Variants in TMEM140 observed in about 807,000 individuals in gnomAD.
The protein encoded by TMEM140 is transmembrane protein 140.
For synonymous variants in TMEM140, 107 were observed against 106.8 expected (o/e 1.00, Z -0.01); for missense variants, 236 against 228.5 (o/e 1.03, Z -0.21).
intron 1 of TMEM140, among the ~76,000 whole-genome samples, chr7:135,163,573 A>C (rs184036747): frequency 5.3e-5 from 8 of 152,310 alleles, no homozygotes; most frequent in Admixed American, 2.0e-4. Context: ...TGACCCCGGG[A>C]GGCAGAGATT....
At chr7:135,158,053 T>C (rs1446198558) in intron 1 of TMEM140, among the ~76,000 whole-genome samples, 1 of 151,980 alleles carries the variant, frequency 6.6e-6, no homozygotes, top group African/African-American at 2.4e-5. Context: ...AGAGCATAGA[T>C]TCCTTGTTTC....
rs533638680 is a variant in TMEM140 at position 135,157,805 on chromosome 7, G to C, written c.-24-6613G>C. ...TGCTTAGGAGAGCTTGGTCTTCCCT[G>C]TCCCTTTCCTACCAGGGTGGCAGCT... is the stretch of plus-strand genomic sequence containing the variant. On this transcript the variant is annotated intron_variant, in intron 1 of 1. Transcript: ENST00000275767. Among the ~76,000 whole-genome samples, 18 of 152,280 alleles carry C rather than the reference G, an allele frequency of 1.2e-4. No individual in the cohort carries two copies. The East Asian group carries it at 3.3e-3, about 28-fold the overall frequency.
chr7:135,154,829 G>C (rs1829749584), intron 1 of TMEM140, among the ~76,000 whole-genome samples: 1 of 152,200 alleles, frequency 6.6e-6, no homozygotes, highest in Admixed American at 6.5e-5. Flanking sequence ...TTCTGTAGTT[G>C]TTGGGTAGAA....
rs1382143705 is a variant in TMEM140 at position 135,151,307 on chromosome 7, T to C, written c.-25+3037T>C. 6.6e-6 allele frequency among the ~76,000 whole-genome samples: 1 copy of C among 152,218 alleles called. No individual in the cohort carries two copies. Among genetic ancestry groups the C allele is most frequent in the African/African-American group, 2.4e-5 (1 of 41,454 alleles). ...TGAAAAGAATTAGAACCTGGACTCA[T>C]GTTTCTACCAAAGGAAATATGACAC... On this transcript the variant is annotated intron_variant, in intron 1 of 1. Transcript: ENST00000275767. This position sits in a 1 kb window ranked among gnomAD's most constrained non-coding sequence, Gnocchi z 4.3.
rs1384100212 is a variant in TMEM140, at chr7:135,165,161, G to A, written c.*162G>A. ...GTCAAAGAGGCCGAGGGGCAGCAAG[G>A]GCAGCCAGGGCACCTGTGACTTCTT... On this transcript the variant is annotated 3_prime_UTR_variant, in exon 2 of 2. Transcript: ENST00000275767. 14 of 723,184 alleles carry A rather than the reference G, an allele frequency of 1.9e-5. No individual in the cohort carries two copies. The highest frequency in any genetic ancestry group is 3.1e-5 in the Non-Finnish European group (14 of 449,504). The allele number at this position is 723,184 out of a possible 1,614,324, so 44.8% of individuals were successfully genotyped here.
At chr7:135,155,208 T>C (rs1829760690) in intron 1 of TMEM140, among the ~76,000 whole-genome samples, 1 of 152,224 alleles carries the variant, frequency 6.6e-6, no homozygotes, top group South Asian at 2.1e-4. Flanking sequence ...CACCCCTTTG[T>C]TTTCAGTCTA....
At chr7:135,164,145 A>G (rs1213511083) in intron 1 of TMEM140, among the ~76,000 whole-genome samples, 2 of 152,260 alleles carry the variant, frequency 1.3e-5, no homozygotes, top group Non-Finnish European at 2.9e-5. Context: ...CTTTGGCTAA[A>G]GAGCACTTCA....
Position 135,164,857 on chromosome 7 carries a change from G to C in TMEM140, c.416G>C (p.Trp139Ser). Residue 139 changes from tryptophan to serine, a missense_variant, in exon 2 of 2, where the codon TGG becomes TCG. By Grantham distance (177) the Trp-to-Ser change is radical. Coordinates refer to ENST00000275767, the MANE Select transcript of TMEM140 (RefSeq NM_018295.5). ...CTGGGCCTCTTCCTCTCCTATGTGT[G>C]GAAGTGGGTCAGGCTCTCCCTCCCG... The part of the protein sequence containing the change: ...GGLGLFLSYV[W>S]KWVRLSLPGP... 1 of 1,613,996 alleles carries C rather than the reference G, an allele frequency of 6.2e-7. No individual in the cohort carries two copies. The highest frequency in any genetic ancestry group is 1.7e-5 in the Admixed American group (1 of 60,016).
Position 135,164,517 on chromosome 7 carries a change from T to G in TMEM140, c.76T>G (p.Cys26Gly). 6.2e-7 allele frequency: 1 copy of G among 1,613,660 alleles called. No homozygotes were observed. Among genetic ancestry groups the G allele is most frequent in the Non-Finnish European group, 8.5e-7 (1 of 1,179,506 alleles). ...SIIVLVIVVI[C>G]LMFYALLWEA... is the part of the protein sequence containing the mutation. ...CATAGTCCTCGTGATTGTGGTCATC[T>G]GCCTGATGTTTTACGCTCTTCTCTG... The change falls in exon 2 of 2, where the codon TGC (cysteine) becomes GGC (glycine). Residue 26 changes from cysteine to glycine, a missense_variant. By Grantham distance (159) the Cys-to-Gly change is radical. Coordinates refer to ENST00000275767, the MANE Select transcript of TMEM140 (RefSeq NM_018295.5).
chr7:135,153,223 A>ACCTT (rs1829704973), intron 1 of TMEM140: 1 of 152,288 alleles, frequency 6.6e-6, no homozygotes, highest in Non-Finnish European at 1.5e-5. Flanking sequence ...TCAGAGGCCA[A>ACCTT]GGTGGGCAGA....
chr7:135,162,049 C>A (rs1829954889), intron 1 of TMEM140, among the ~76,000 whole-genome samples: 1 of 152,256 alleles, frequency 6.6e-6, no homozygotes, highest in South Asian at 2.1e-4. Flanking sequence ...AATCTTCATT[C>A]TCATTTTTGG....
Position 135,151,472 on chromosome 7 carries a change from T to A in TMEM140, c.-25+3202T>A, listed in dbSNP as rs10271145. On this transcript the variant is annotated intron_variant, in intron 1 of 1. Coordinates refer to ENST00000275767, the MANE Select transcript of TMEM140 (RefSeq NM_018295.5). The surrounding 1 kb of genome is among the most constrained non-coding windows in gnomAD (Gnocchi z 4.3). ...CAAGTAAACCTGCGCCCTTGTTCTA[T>A]GCCCTGGCAAGCTCTGTTGCCCCGG... 0.49 allele frequency among the ~76,000 whole-genome samples: 73,764 copies of A among 152,002 alleles called. 18,267 individuals carry two copies. Among genetic ancestry groups the A allele is most frequent in the South Asian group, 0.66 (3,160 of 4,822 alleles).
intron 1 of TMEM140, among the ~76,000 whole-genome samples, chr7:135,162,074 C>T (rs1376865032): frequency 6.6e-6 from 1 of 152,240 alleles, no homozygotes; most frequent in Non-Finnish European, 1.5e-5. Context: ...CACCTAGGTC[C>T]TTTGAATGGA....
At chr7:135,164,298 C>A in intron 1 of TMEM140, 120 bp from the exon 2 acceptor site, 1 of 765,236 alleles carries the variant, frequency 1.3e-6, no homozygotes, top group East Asian at 2.6e-5. Context: ...TGGTGGAGGG[C>A]AGGGTAGGAG....
At chr7:135,148,378 G>C (rs1366147446) in intron 1 of TMEM140, 108 bp downstream of exon 1, 2 of 320,864 alleles carry the variant, frequency 6.2e-6, no homozygotes, top group South Asian at 2.6e-5. Flanking sequence ...CCACATAGGG[G>C]AACTCACTGG....
intron 1 of TMEM140, among the ~76,000 whole-genome samples, chr7:135,158,923 G>A (rs936372932): frequency 7.2e-5 from 11 of 152,250 alleles, no homozygotes; most frequent in African/African-American, 2.7e-4. Context: ...GTGAGATTTT[G>A]TATTGGTTTC....
Position 135,151,841 on chromosome 7 carries a change from A to AT in TMEM140, c.-25+3572dup, listed in dbSNP as rs1392966602. Among the ~76,000 whole-genome samples the AT allele has an allele frequency of 3.3e-5, 5 of 152,104 alleles. No homozygotes were observed. Among genetic ancestry groups the AT allele is most frequent in the Non-Finnish European group, 5.9e-5 (4 of 67,998 alleles). ...CCCAGGTCATCTGGCTCTAAAACCC[A>AT]TGCTCCTTACCACCACACTGTGCTA... On this transcript the variant is annotated intron_variant, in intron 1 of 1. Coordinates refer to ENST00000275767, the MANE Select transcript of TMEM140 (RefSeq NM_018295.5). The surrounding 1 kb of genome is among the most constrained non-coding windows in gnomAD (Gnocchi z 4.3).
intron 1 of TMEM140, among the ~76,000 whole-genome samples, chr7:135,156,333 C>G (rs1829791180): frequency 6.6e-6 from 1 of 152,154 alleles, no homozygotes; most frequent in South Asian, 2.1e-4. Context: ...CTCAGAAATA[C>G]CAATAATTCA....
intron 1 of TMEM140, among the ~76,000 whole-genome samples, chr7:135,149,622 C>T (rs1187340492): frequency 6.6e-6 from 1 of 152,144 alleles, no homozygotes; most frequent in African/African-American, 2.4e-5. Context: ...AAAGTTTGTA[C>T]AAATGTTCAC....
Sources: allele counts gnomAD v4.1 joint callset (sites outside exome capture counted in the v4.1 genomes callset), GRCh38; gene constraint gnomAD v4.1.1; non-coding constraint Gnocchi (gnomAD v3.1); transcripts MANE v1.5; gene names NCBI Gene and HGNC (gene_info 2026-07-23, HGNC 2026-07-21).